Variants in GULP1 observed in about 807,000 individuals in gnomAD.
The protein encoded by GULP1 is PTB domain-containing engulfment adapter protein 1.
In GULP1, 19 loss-of-function variants were observed where a neutral mutation model predicts 40.9. That is an observed-to-expected ratio of 0.46 (90% CI 0.32 to 0.68). GULP1 has a LOEUF of 0.68. Among genes scored for constraint, GULP1 ranks in the 30% least tolerant of loss-of-function variants. The pLI, the probability that GULP1 is intolerant of heterozygous loss-of-function variation, is 0.03. For missense variants in GULP1, 312 were observed against 362.2 expected (o/e 0.86, Z 1.12); for synonymous variants, 119 against 117.6 (o/e 1.01, Z -0.08).
At chr2:188,399,019 T>C (rs2051702663) in intron 2 of GULP1, among the ~76,000 whole-genome samples, 1 of 152,212 alleles carries the variant, frequency 6.6e-6, no homozygotes, top group African/African-American at 2.4e-5. Flanking sequence ...AACTTTTTGA[T>C]CAGGCAACCA....
chr2:188,566,865 A>G (rs1697838336), intron 7 of GULP1, among the ~76,000 whole-genome samples: 2 of 151,686 alleles, frequency 1.3e-5, no homozygotes, highest in Admixed American at 6.6e-5. Context: ...GAAGCAACCT[A>G]TAATTAAAAA....
intron 4 of GULP1, among the ~76,000 whole-genome samples, chr2:188,504,467 A>G (rs1195076642): frequency 6.6e-6 from 1 of 151,962 alleles, no homozygotes; most frequent in African/African-American, 2.4e-5. Context: ...AACAATTATA[A>G]AGAAAGTTAT....
rs566726744 is a variant in GULP1 at position 188,569,180 on chromosome 2, G to A, written c.400-59G>A. On this transcript the variant is annotated intron_variant, in intron 7 of 11. Transcript: ENST00000409830. ...GTGCTTATATGAATGTTGTTTTCTC[G>A]ATTCAAAAACAGTTTGACATATTAT... is the stretch of plus-strand genomic sequence containing the variant. The A allele has an allele frequency of 1.4e-4, 120 of 877,424 alleles. No individual in the cohort carries two copies. The South Asian group carries it at 1.6e-3, about 12-fold the overall frequency. The allele number at this position is 877,424 out of a possible 1,614,324, so 54.4% of individuals were successfully genotyped here.
intron 7 of GULP1, among the ~76,000 whole-genome samples, chr2:188,559,182 G>A (rs1464600729): frequency 6.6e-6 from 1 of 152,184 alleles, no homozygotes; most frequent in African/African-American, 2.4e-5. Context: ...GGTTTTCTGG[G>A]CCTGGCCCAG....
intron 2 of GULP1, among the ~76,000 whole-genome samples, chr2:188,404,848 A>T (rs888605130): frequency 1.3e-5 from 2 of 151,962 alleles, no homozygotes; most frequent in African/African-American, 4.8e-5. Flanking sequence ...AGGTTGGCCC[A>T]TGCAACCCAG....
chr2:188,590,309 G>A (rs1286782172), intron 11 of GULP1: 1 of 151,990 alleles, frequency 6.6e-6, no homozygotes, highest in Non-Finnish European at 1.5e-5. Flanking sequence ...TTACTTGCAA[G>A]GTCACTTTAA....
At chr2:188,315,845 CCTCT>C (rs2038991985) in intron 1 of GULP1, among the ~76,000 whole-genome samples, 1 of 151,798 alleles carries the variant, frequency 6.6e-6, no homozygotes, top group Non-Finnish European at 1.5e-5. Flanking sequence ...ATGAATGCTC[CCTCT>C]CTCGGTCTCT....
intron 11 of GULP1, chr2:188,592,590 T>C (rs1316898019): frequency 2.0e-5 from 3 of 152,072 alleles, no homozygotes; most frequent in South Asian, 2.1e-4. Context: ...ACTTTCACAA[T>C]GATTACATCA....
chr2:188,541,573 T>G (rs925897334), intron 7 of GULP1: 1 of 582,246 alleles, frequency 1.7e-6, no homozygotes. Context: ...ATGCCATGCC[T>G]GCTTATGTTA....
At chr2:188,553,705 T>A (rs1270084247) in intron 7 of GULP1, among the ~76,000 whole-genome samples, 1 of 152,042 alleles carries the variant, frequency 6.6e-6, no homozygotes, top group Non-Finnish European at 1.5e-5. Context: ...TGTTCTTCAA[T>A]GTTTTGGAAT....
At chr2:188,398,000 G>C (rs2152595251) in intron 2 of GULP1, among the ~76,000 whole-genome samples, 1 of 152,294 alleles carries the variant, frequency 6.6e-6, no homozygotes, top group South Asian at 2.1e-4. Flanking sequence ...CTTGGAAAAA[G>C]AGTCTATGCA....
chr2:188,358,317 T>C (rs2045633527), intron 1 of GULP1, among the ~76,000 whole-genome samples: 1 of 152,078 alleles, frequency 6.6e-6, no homozygotes, highest in Non-Finnish European at 1.5e-5. Context: ...AGTAGATTAG[T>C]GGTTACTAGG....
chr2:188,483,535 T>G (rs1413360964), intron 4 of GULP1, 43 bp downstream of exon 4: 1 of 787,392 alleles, frequency 1.3e-6, no homozygotes, highest in Admixed American at 2.2e-5. Flanking sequence ...TTTGTTATAG[T>G]ATCATTACTA....
chr2:188,422,973 T>C (rs764197032), intron 2 of GULP1, among the ~76,000 whole-genome samples: 1 of 152,078 alleles, frequency 6.6e-6, no homozygotes, highest in African/African-American at 2.4e-5. Context: ...ACCTGTAGAC[T>C]GAGAAGCACT....
chr2:188,516,284 A>G (rs1472405848), intron 4 of GULP1, among the ~76,000 whole-genome samples: 1 of 152,162 alleles, frequency 6.6e-6, no homozygotes, highest in South Asian at 2.1e-4. Flanking sequence ...GTTCAAAATT[A>G]TCATTTCCCT....
chr2:188,559,352 C>T (rs780955184), intron 7 of GULP1, among the ~76,000 whole-genome samples: 15 of 152,204 alleles, frequency 9.9e-5, no homozygotes, highest in Non-Finnish European at 1.9e-4. Context: ...CCACAGAAGT[C>T]AATAATTGGG....
chr2:188,300,571 A>G (rs2035960615), intron 1 of GULP1, among the ~76,000 whole-genome samples: 1 of 152,164 alleles, frequency 6.6e-6, no homozygotes, highest in Non-Finnish European at 1.5e-5. Context: ...GGGGACCTAT[A>G]ATTAAAACAT....
chr2:188,556,006 T>C (rs764817882), intron 7 of GULP1, among the ~76,000 whole-genome samples: 1 of 148,726 alleles, frequency 6.7e-6, no homozygotes, highest in Non-Finnish European at 1.5e-5. Flanking sequence ...TGCAGTGAGC[T>C]AAGATTGCAC....
intron 2 of GULP1, among the ~76,000 whole-genome samples, chr2:188,409,463 A>G (rs1392273054): frequency 6.6e-6 from 1 of 152,172 alleles, no homozygotes; most frequent in African/African-American, 2.4e-5. Flanking sequence ...ATCAGTAATA[A>G]AATTTCTCCC....
Sources: gnomAD v4.1 joint callset for allele counts (sites outside exome capture counted in the v4.1 genomes callset) on GRCh38, gnomAD v4.1.1 for gene constraint, MANE v1.5 for transcripts, NCBI Gene and HGNC (gene_info 2026-07-23, HGNC 2026-07-21) for gene names.